Variants in GPC3 observed in about 807,000 individuals in gnomAD.
GPC3 encodes glypican-3.
A neutral mutation model predicts 34.4 loss-of-function variants in GPC3; 3 were observed. The ratio of observed to expected loss-of-function variants is 0.09; its 90% CI spans 0.04 to 0.23. The LOEUF is 0.23. Ranked by LOEUF, GPC3 falls within the 10% of genes least tolerant of loss-of-function variation. The pLI is 1.00. For missense variants in GPC3, 351 were observed against 445.6 expected, an observed-to-expected ratio of 0.79 and a Z score of 1.91; for synonymous variants, 177 against 174.0, an observed-to-expected ratio of 1.02 and a Z score of -0.13.
At chrX:133,673,452 G>A (rs918444022) in intron 5 of GPC3, among the ~76,000 whole-genome samples, 5 of 112,427 alleles carry the variant, frequency 4.4e-5, no homozygotes, top group African/African-American at 6.5e-5. Flanking sequence ...AGAACAAGGG[G>A]GCAAGGAACT....
At chrX:133,893,591 T>C (rs968413304) in intron 2 of GPC3, among the ~76,000 whole-genome samples, 18 of 111,419 alleles carry the variant, frequency 1.6e-4, no homozygotes, top group African/African-American at 5.9e-4. Flanking sequence ...AAAGTGATGA[T>C]ATGCAGGTTT....
chrX:133,955,061 C>T (rs1161332649), intron 1 of GPC3, among the ~76,000 whole-genome samples: 1 of 111,079 alleles, frequency 9.0e-6, no homozygotes, highest in Non-Finnish European at 1.9e-5. Context: ...CTCCAATTAG[C>T]ATTTGTTGAT....
At chrX:133,924,031 T>G (rs1379469039) in intron 2 of GPC3, among the ~76,000 whole-genome samples, 2 of 111,737 alleles carry the variant, frequency 1.8e-5, no homozygotes, top group Non-Finnish European at 3.8e-5. Context: ...GATTCTAAAT[T>G]TGGGAATCAC....
chrX:133,690,489 C>T (rs1187943716), intron 5 of GPC3, among the ~76,000 whole-genome samples: 2 of 111,167 alleles, frequency 1.8e-5, no homozygotes, highest in Non-Finnish European at 3.8e-5. Context: ...AATCCAAATT[C>T]ATCTGGCTCC....
At chrX:133,737,771 C>T (rs963705071) in intron 3 of GPC3, among the ~76,000 whole-genome samples, 2 of 111,505 alleles carry the variant, frequency 1.8e-5, no homozygotes, top group African/African-American at 3.3e-5. Context: ...AGTAGTCTCA[C>T]ATACTAAAAC....
chrX:133,843,577 A>G (rs2075834623), intron 2 of GPC3, among the ~76,000 whole-genome samples: 1 of 111,470 alleles, frequency 9.0e-6, no homozygotes, highest in Admixed American at 9.6e-5. Flanking sequence ...TCTTCATAGC[A>G]ATGCAAGAAT....
intron 7 of GPC3, among the ~76,000 whole-genome samples, chrX:133,592,781 TC>T (rs200193614): frequency 0.015 from 1,675 of 111,183 alleles, 30 homozygotes; most frequent in African/African-American, 0.05. Flanking sequence ...TTATAAATGT[TC>T]CCCCTCGATT....
At chrX:133,708,358 A>C (rs984332775) in intron 3 of GPC3, among the ~76,000 whole-genome samples, 4 of 111,780 alleles carry the variant, frequency 3.6e-5, no homozygotes, top group Non-Finnish European at 7.5e-5. Flanking sequence ...GATTTTATAT[A>C]TTTTTGCAGC....
chrX:133,790,709 A>G (rs1399170529), intron 2 of GPC3, among the ~76,000 whole-genome samples: 1 of 111,078 alleles, frequency 9.0e-6, no homozygotes, highest in African/African-American at 3.3e-5. Flanking sequence ...CAGATATAAC[A>G]CCATATCTAC....
chrX:133,917,943 T>C (rs1442489158), intron 2 of GPC3, among the ~76,000 whole-genome samples: 2 of 112,035 alleles, frequency 1.8e-5, no homozygotes, highest in Non-Finnish European at 3.8e-5. Flanking sequence ...CCCTCTGGCA[T>C]ACTTAAGCAA....
At chrX:133,656,927 G>A (rs886838030) in intron 6 of GPC3, among the ~76,000 whole-genome samples, 2 of 111,683 alleles carry the variant, frequency 1.8e-5, no homozygotes, top group Non-Finnish European at 3.8e-5. Flanking sequence ...AGAGGGTGCT[G>A]GGTTAAAGCC....
intron 6 of GPC3, among the ~76,000 whole-genome samples, chrX:133,597,931 T>C (rs2069936966): frequency 9.0e-6 from 1 of 111,125 alleles, no homozygotes; most frequent in Non-Finnish European, 1.9e-5. Context: ...ATATTATATA[T>C]AAATACAGGC....
intron 6 of GPC3, among the ~76,000 whole-genome samples, chrX:133,629,388 TTTTGTTTG>T (rs376115590): frequency 9.1e-6 from 1 of 110,485 alleles, no homozygotes; most frequent in Non-Finnish European, 1.9e-5. Flanking sequence ...TATGATTCTT[TTTTGTTTG>T]TTTGTTTGTT....
At chrX:133,822,103 C>G (rs1292414439) in intron 2 of GPC3, among the ~76,000 whole-genome samples, 1 of 111,962 alleles carries the variant, frequency 8.9e-6, no homozygotes, top group African/African-American at 3.2e-5. Context: ...ATAAACAATT[C>G]ATAAGTTTTA....
intron 2 of GPC3, among the ~76,000 whole-genome samples, chrX:133,853,651 A>C (rs1465650691): frequency 8.9e-6 from 1 of 112,448 alleles, no homozygotes; most frequent in Admixed American, 9.4e-5. Context: ...AGAGATCAGG[A>C]CTCAGTTCCT....
intron 2 of GPC3, among the ~76,000 whole-genome samples, chrX:133,926,180 G>A (rs1287037443): frequency 8.9e-6 from 1 of 111,819 alleles, no homozygotes; most frequent in Non-Finnish European, 1.9e-5. Flanking sequence ...CACAACTAAA[G>A]CCAAGCCTCT....
chrX:133,932,787 TTTCAGGGGC>T (rs1056350654), intron 2 of GPC3, among the ~76,000 whole-genome samples: 1 of 111,136 alleles, frequency 9.0e-6, no homozygotes, highest in Non-Finnish European at 1.9e-5. Context: ...TTACATAAAA[TTTCAGGGGC>T]TTCAAGGAAC....
chrX:133,566,061 A>G (rs2069578909), intron 7 of GPC3, among the ~76,000 whole-genome samples: 2 of 112,557 alleles, frequency 1.8e-5, no homozygotes, highest in Admixed American at 1.9e-4. Flanking sequence ...TTGTTGATCA[A>G]ATTGGAAGAG....
chrX:133,845,456 A>ACTTCT (rs2075843583), intron 2 of GPC3, among the ~76,000 whole-genome samples: 1 of 111,321 alleles, frequency 9.0e-6, no homozygotes. Flanking sequence ...GAGAAAGTCT[A>ACTTCT]CTTCTCAGAC....
Sources: allele counts gnomAD v4.1 joint callset (sites outside exome capture counted in the v4.1 genomes callset), GRCh38; gene constraint gnomAD v4.1.1; transcripts MANE v1.5; gene names NCBI Gene and HGNC (gene_info 2026-07-23, HGNC 2026-07-21).